The following NEGR1 variants were observed in gnomAD, a reference collection of about 807,000 sequenced individuals.
NEGR1 encodes the protein IgLON family member 4.
A neutral mutation model predicts 40.9 loss-of-function variants in NEGR1; 10 were observed. That is an observed-to-expected ratio of 0.24 (90% CI 0.15 to 0.42). The LOEUF (loss-of-function observed/expected upper bound fraction) is 0.42, where lower values mean the gene tolerates loss of function less well. NEGR1 is among the 10% of genes least tolerant of loss of function. The pLI, the probability that NEGR1 is intolerant of heterozygous loss-of-function variation, is 1.00. For synonymous variants in NEGR1, 185 were observed against 166.8 expected, an observed-to-expected ratio of 1.11 and a Z score of -0.84; for missense variants, 352 against 438.9, an observed-to-expected ratio of 0.80 and a Z score of 1.77.
rs1359748885 is a variant in NEGR1 at position 71,508,906 on chromosome 1, GA to G, written c.940+83910del. 5.3e-5 allele frequency among the ~76,000 whole-genome samples: 8 copies of G among 152,336 alleles called. No individual in the cohort carries two copies. In the East Asian group the frequency reaches 1.5e-3, roughly 29 times the overall value. On this transcript the variant is annotated intron_variant, in intron 6 of 6. Transcript: ENST00000357731. ...AAAGTAGCATCACGGGTATATGGGT[GA>G]GGGGCAGACATCACAGGGGAAGACC...
rs1360774593 is a variant in NEGR1 at position 71,868,417 on chromosome 1, T to G, written c.409+66662A>C. Among the ~76,000 whole-genome samples, 5 of 149,730 alleles carry G rather than the reference T, an allele frequency of 3.3e-5. No individual in the cohort carries two copies. In the East Asian group the frequency reaches 9.9e-4, roughly 30 times the overall value. On this transcript the variant is annotated intron_variant, in intron 2 of 6. Transcript: ENST00000357731. Reference sequence around the variant, plus strand: ...ATGAGTTAACATACCTTACCTTAAATTAAATAGATAGATGATAGAAGATAG... The same window carrying G: ...ATGAGTTAACATACCTTACCTTAAAGTAAATAGATAGATGATAGAAGATAG...
At chr1:71,942,541 G>A (rs1262301835) in intron 1 of NEGR1, among the ~76,000 whole-genome samples, 1 of 85,540 alleles carries the variant, frequency 1.2e-5, no homozygotes, top group Non-Finnish European at 2.1e-5. Flanking sequence ...TCGCTCTGTC[G>A]CCCAGGCTGG....
At chr1:71,429,288 A>G (rs1646450063) in intron 6 of NEGR1, among the ~76,000 whole-genome samples, 1 of 152,212 alleles carries the variant, frequency 6.6e-6, no homozygotes, top group South Asian at 2.1e-4. Context: ...CAGGAACACA[A>G]ATCTCTATGT....
intron 6 of NEGR1, among the ~76,000 whole-genome samples, chr1:71,574,206 G>A (rs1648890271): frequency 6.6e-6 from 1 of 152,146 alleles, no homozygotes; most frequent in Admixed American, 6.5e-5. Context: ...CATCCATAAT[G>A]GCCAGCCATG....
chr1:71,969,026 T>TG lies in NEGR1; in HGVS notation c.177-33716_177-33715insC, dbSNP rs532935446. Among the ~76,000 whole-genome samples, 6 of 152,182 alleles carry TG rather than the reference T, an allele frequency of 3.9e-5. No individual in the cohort carries two copies. The South Asian group carries it at 1.0e-3, about 26-fold the overall frequency. ...CATATGTTTTTTTTGTTTTTGTTTT[T>TG]TTTTTGAGACAGAGTTTCGCTCTTG... On this transcript the variant is annotated intron_variant, in intron 1 of 6. Coordinates refer to ENST00000357731, the MANE Select transcript of NEGR1 (RefSeq NM_173808.3).
At chr1:72,037,267 A>G (rs1336981930) in intron 1 of NEGR1, among the ~76,000 whole-genome samples, 1 of 152,174 alleles carries the variant, frequency 6.6e-6, no homozygotes, top group African/African-American at 2.4e-5. Context: ...GCTTAAGACC[A>G]TGTTACAAAA....
chr1:71,796,558 T>TTTTTG (rs1036046310), intron 2 of NEGR1, among the ~76,000 whole-genome samples: 10 of 152,088 alleles, frequency 6.6e-5, no homozygotes, highest in South Asian at 2.1e-4. Context: ...TGACCAAGGT[T>TTTTTG]TTTTGTTTTG....
chr1:71,495,404 G>A (rs1338237658), intron 6 of NEGR1, among the ~76,000 whole-genome samples: 6 of 151,734 alleles, frequency 4.0e-5, no homozygotes, highest in Non-Finnish European at 7.4e-5. Flanking sequence ...TTGAACCTGG[G>A]AGGCAGAGGT....
At chr1:71,955,369 T>A (rs1452168409) in intron 1 of NEGR1, among the ~76,000 whole-genome samples, 1 of 152,124 alleles carries the variant, frequency 6.6e-6, no homozygotes, top group Non-Finnish European at 1.5e-5. Flanking sequence ...GATCAATTCT[T>A]GAATTTTAAT....
chr1:71,475,712 A>C (rs1557539244), intron 6 of NEGR1, among the ~76,000 whole-genome samples: 1 of 152,002 alleles, frequency 6.6e-6, no homozygotes, highest in Non-Finnish European at 1.5e-5. Context: ...GGTCGTTAGG[A>C]AAAAACATTA....
At chr1:71,795,947 C>G (rs764147439) in intron 2 of NEGR1, among the ~76,000 whole-genome samples, 15 of 152,084 alleles carry the variant, frequency 9.9e-5, no homozygotes, top group Non-Finnish European at 1.8e-4. Flanking sequence ...GGGATCATTT[C>G]AAAGGCCTCA....
At chr1:71,718,839 C>G (rs1434635556) in intron 3 of NEGR1, among the ~76,000 whole-genome samples, 1 of 152,128 alleles carries the variant, frequency 6.6e-6, no homozygotes, top group East Asian at 1.9e-4. Flanking sequence ...ATTTCATTCT[C>G]TTTCCAGTAA....
chr1:71,901,335 T>G (rs1661137357), intron 2 of NEGR1, among the ~76,000 whole-genome samples: 1 of 152,208 alleles, frequency 6.6e-6, no homozygotes, highest in African/African-American at 2.4e-5. Flanking sequence ...TCTGGCACAT[T>G]CGTACAATTA....
At chr1:72,067,224 G>T (rs1170647327) in intron 1 of NEGR1, among the ~76,000 whole-genome samples, 4 of 152,040 alleles carry the variant, frequency 2.6e-5, no homozygotes, top group African/African-American at 9.7e-5. Flanking sequence ...AATCTTTCAT[G>T]TTTGGTAATA....
chr1:71,977,348 A>C (rs1646314580), intron 1 of NEGR1, among the ~76,000 whole-genome samples: 1 of 152,044 alleles, frequency 6.6e-6, no homozygotes, highest in Admixed American at 6.6e-5. Context: ...ACAAAACAAA[A>C]CAAAAACAAA....
chr1:71,882,699 C>T (rs970743404), intron 2 of NEGR1, among the ~76,000 whole-genome samples: 1 of 149,902 alleles, frequency 6.7e-6, no homozygotes, highest in African/African-American at 2.5e-5. Context: ...ATCAGCACTA[C>T]CTACTAAAAA....
chr1:72,275,499 T>C (rs899249445), intron 1 of NEGR1, among the ~76,000 whole-genome samples: 1 of 152,076 alleles, frequency 6.6e-6, no homozygotes, highest in Non-Finnish European at 1.5e-5. Flanking sequence ...ATAAATTTTA[T>C]TTTTTTATAT....
At chr1:71,449,675 CA>C (rs1646610617) in intron 6 of NEGR1, among the ~76,000 whole-genome samples, 1 of 152,104 alleles carries the variant, frequency 6.6e-6, no homozygotes, top group African/African-American at 2.4e-5. Context: ...TACATTATAT[CA>C]CTTAATTCTC....
chr1:71,675,119 A>ATATATATATATATATATATATATATATG (rs1304074636), intron 4 of NEGR1, among the ~76,000 whole-genome samples: 2 of 75,054 alleles, frequency 2.7e-5, no homozygotes, highest in Non-Finnish European at 5.4e-5. Flanking sequence ...ATTCATATAT[A>ATATATATATATATATATATATATATATG]TATATATACA....
Sources: gnomAD v4.1 joint callset for allele counts (sites outside exome capture counted in the v4.1 genomes callset) on GRCh38, gnomAD v4.1.1 for gene constraint, MANE v1.5 for transcripts, NCBI Gene and HGNC (gene_info 2026-07-23, HGNC 2026-07-21) for gene names.